Variants in LUZP1 observed in about 807,000 individuals in gnomAD.
LUZP1 encodes the protein filamin mechanobinding actin cross-linking protein.
In LUZP1, 25 loss-of-function variants were observed where a neutral mutation model predicts 71.3. The observed-to-expected ratio is 0.35, with a 90% CI of 0.26 to 0.49. The LOEUF (loss-of-function observed/expected upper bound fraction) is 0.49, where lower values mean the gene tolerates loss of function less well. Among genes scored for constraint, LUZP1 ranks in the 20% least tolerant of loss-of-function variants. The probability of loss-of-function intolerance (pLI) is 0.99; values close to 1 mark genes in which losing one functional copy is unlikely to be tolerated. For synonymous variants in LUZP1, 481 were observed against 506.4 expected (o/e 0.95, Z 0.67); for missense variants, 1,142 against 1,300.8 (o/e 0.88, Z 1.88).
chr1:23,137,159 T>C (rs1194313624), intron 2 of LUZP1, among the ~76,000 whole-genome samples: 2 of 152,132 alleles, frequency 1.3e-5, no homozygotes, highest in African/African-American at 4.8e-5. Context: ...AAATCCTATA[T>C]CCAGTAAGAG....
chr1:23,131,812 A>G (rs1213802194), intron 2 of LUZP1, among the ~76,000 whole-genome samples: 1 of 152,066 alleles, frequency 6.6e-6, no homozygotes, highest in Non-Finnish European at 1.5e-5. Flanking sequence ...CAGCCTCCCA[A>G]GTAGCTGGGA....
At chr1:23,166,797 T>C (rs1644513495) in intron 2 of LUZP1, among the ~76,000 whole-genome samples, 1 of 152,154 alleles carries the variant, frequency 6.6e-6, no homozygotes, top group Admixed American at 6.6e-5. Flanking sequence ...TTCTTGGTCT[T>C]AAATTATTTA....
At chr1:23,162,651 G>T (rs1644477684) in intron 2 of LUZP1, 1 of 151,966 alleles carries the variant, frequency 6.6e-6, no homozygotes, top group Non-Finnish European at 1.5e-5. Context: ...TGTTAGCCCA[G>T]CCCATAATAC....
intron 3 of LUZP1, among the ~76,000 whole-genome samples, chr1:23,098,594 G>A (rs1216297712): frequency 6.6e-6 from 1 of 152,214 alleles, no homozygotes; most frequent in East Asian, 1.9e-4. Context: ...CGTTAAGACA[G>A]AATCTGAAGT....
intron 2 of LUZP1, among the ~76,000 whole-genome samples, chr1:23,123,119 ATACTT>A (rs767039125): frequency 4.6e-5 from 7 of 152,212 alleles, no homozygotes; most frequent in Non-Finnish European, 1.0e-4. Flanking sequence ...GAGCTAGACT[ATACTT>A]TATCACTTTA....
At chr1:23,090,141 T>C (rs75041831) in intron 4 of LUZP1, among the ~76,000 whole-genome samples, 11 of 151,894 alleles carry the variant, frequency 7.2e-5, no homozygotes, top group Non-Finnish European at 1.6e-4. Context: ...TAAGAAAGGT[T>C]AGAGTAGAAA....
intron 2 of LUZP1, among the ~76,000 whole-genome samples, chr1:23,151,219 A>G (rs1014098353): frequency 6.6e-6 from 1 of 151,862 alleles, no homozygotes; most frequent in Non-Finnish European, 1.5e-5. Context: ...TAATTTTTGT[A>G]TTTTTGTAGA....
chr1:23,140,082 C>A (rs1244127947), intron 2 of LUZP1, among the ~76,000 whole-genome samples: 1 of 152,096 alleles, frequency 6.6e-6, no homozygotes, highest in Non-Finnish European at 1.5e-5. Flanking sequence ...AGTTGAGGGA[C>A]CACCCTACTA....
intron 2 of LUZP1, among the ~76,000 whole-genome samples, chr1:23,150,323 AAAC>A (rs1250872168): frequency 6.6e-6 from 1 of 152,164 alleles, no homozygotes. Flanking sequence ...AAAAATGGCA[AAAC>A]AATGGTCTAG....
rs568497437 is a variant in LUZP1, at chr1:23,085,517, A to G, written c.*3378T>C. 9 of 152,646 alleles carry G rather than the reference A, an allele frequency of 5.9e-5. No individual in the cohort carries two copies. In the South Asian group the frequency reaches 1.2e-3, roughly 21 times the overall value. 9.5% of individuals were successfully genotyped at this position (152,646 alleles called of 1,614,324 possible). A position where few individuals can be genotyped will look rare whatever the true frequency, so the allele number is the denominator to read the frequency against. ...CTTGTCAGAGAAATAACAAAACCTC[A>G]TAACAAGGTAGCCAGGGACCCAGCC... On this transcript the variant is annotated 3_prime_UTR_variant, in exon 5 of 5. Transcript: ENST00000302291.
chr1:23,163,555 TAAAA>T (rs57231452), intron 2 of LUZP1, among the ~76,000 whole-genome samples: 1 of 119,178 alleles, frequency 8.4e-6, no homozygotes, highest in Non-Finnish European at 1.7e-5. Context: ...TCCCGTCTCT[TAAAA>T]AAAAAAAAAA....
At chr1:23,110,007 T>C (rs1411552123) in intron 2 of LUZP1, among the ~76,000 whole-genome samples, 1 of 152,200 alleles carries the variant, frequency 6.6e-6, no homozygotes, top group African/African-American at 2.4e-5. Flanking sequence ...CTTTATGTTT[T>C]ATATAAGACA....
At chr1:23,095,914 G>A (rs1046757597) in intron 3 of LUZP1, among the ~76,000 whole-genome samples, 1 of 152,066 alleles carries the variant, frequency 6.6e-6, no homozygotes, top group African/African-American at 2.4e-5. Context: ...GTACTCTGGA[G>A]GGAGCCACTC....
chr1:23,140,852 GAT>G (rs1644297539), intron 2 of LUZP1: 1 of 152,366 alleles, frequency 6.6e-6, no homozygotes, highest in South Asian at 2.1e-4. Context: ...TAGAGGCCAT[GAT>G]GGAGCTCAGA....
At chr1:23,169,528 C>A (rs1334060139) in intron 1 of LUZP1, among the ~76,000 whole-genome samples, 2 of 152,214 alleles carry the variant, frequency 1.3e-5, no homozygotes, top group Non-Finnish European at 2.9e-5. Context: ...TCCCGTCCCC[C>A]ACTGTGCTAT....
chr1:23,097,376 A>C (rs1399687937), intron 3 of LUZP1, among the ~76,000 whole-genome samples: 1 of 152,186 alleles, frequency 6.6e-6, no homozygotes, highest in Non-Finnish European at 1.5e-5. Flanking sequence ...AGGAAGACCA[A>C]ATAGGAGGCT....
intron 2 of LUZP1, among the ~76,000 whole-genome samples, chr1:23,160,124 T>A (rs751778669): frequency 1.1e-4 from 16 of 152,232 alleles, no homozygotes; most frequent in African/African-American, 1.9e-4. Context: ...AATTTACCAC[T>A]TAATTTGAAA....
chr1:23,113,743 T>G (rs1644054478), intron 2 of LUZP1, among the ~76,000 whole-genome samples: 1 of 150,274 alleles, frequency 6.7e-6, no homozygotes, highest in Non-Finnish European at 1.5e-5. Flanking sequence ...AGCCGGGTGT[T>G]GTGGCGCGCG....
At chr1:23,114,926 C>T (rs1467320197) in intron 2 of LUZP1, among the ~76,000 whole-genome samples, 1 of 152,196 alleles carries the variant, frequency 6.6e-6, no homozygotes, top group Non-Finnish European at 1.5e-5. Context: ...TACTATTGTC[C>T]TTTCCAATAA....
Sources: allele counts gnomAD v4.1 joint callset (sites outside exome capture counted in the v4.1 genomes callset), GRCh38; gene constraint gnomAD v4.1.1; transcripts MANE v1.5; gene names NCBI Gene and HGNC (gene_info 2026-07-23, HGNC 2026-07-21).